The following DLC1 variants were observed in gnomAD, a reference collection of about 807,000 sequenced individuals.
DLC1 encodes the protein rho GTPase-activating protein 7.
A neutral mutation model predicts 140.3 loss-of-function variants in DLC1; 54 were observed. The observed-to-expected ratio is 0.38, with a 90% CI of 0.31 to 0.48. The LOEUF (loss-of-function observed/expected upper bound fraction) is 0.48, where lower values mean the gene tolerates loss of function less well. Among genes scored for constraint, DLC1 ranks in the 20% least tolerant of loss-of-function variants. The pLI is 0.96. For synonymous variants in DLC1, 986 were observed against 728.1 expected (o/e 1.35, Z -5.70); for missense variants, 2,536 against 1,907.0 (o/e 1.33, Z -6.14).
chr8:13,565,040 C>T (rs975834845), intron 1 of DLC1, among the ~76,000 whole-genome samples: 1 of 152,090 alleles, frequency 6.6e-6, no homozygotes, highest in Non-Finnish European at 1.5e-5. Flanking sequence ...TAAAATCAAA[C>T]TTTGACCTGT....
At chr8:13,546,992 C>T (rs1803671067) in intron 1 of DLC1, among the ~76,000 whole-genome samples, 1 of 151,970 alleles carries the variant, frequency 6.6e-6, no homozygotes, top group Non-Finnish European at 1.5e-5. Context: ...AGTTTAATTA[C>T]AATCATATGT....
intron 7 of DLC1, among the ~76,000 whole-genome samples, chr8:13,107,571 C>G (rs1819671002): frequency 6.6e-6 from 1 of 152,210 alleles, no homozygotes; most frequent in Non-Finnish European, 1.5e-5. Context: ...GAGAGAACTT[C>G]TAAATCACAG....
chr8:13,246,461 C>G (rs572971724), intron 5 of DLC1, among the ~76,000 whole-genome samples: 1 of 151,956 alleles, frequency 6.6e-6, no homozygotes. Flanking sequence ...CTTTTTTCTG[C>G]GTAGATTCAC....
At chr8:13,128,159 T>C (rs942557540) in intron 5 of DLC1, among the ~76,000 whole-genome samples, 3 of 152,222 alleles carry the variant, frequency 2.0e-5, no homozygotes, top group Non-Finnish European at 2.9e-5. Flanking sequence ...TAGTTCACTT[T>C]TTGGTGCTCA....
chr8:13,484,206 A>C (rs1179287234), intron 2 of DLC1, among the ~76,000 whole-genome samples: 2 of 152,224 alleles, frequency 1.3e-5, no homozygotes, highest in African/African-American at 4.8e-5. Context: ...ATTTGAGGAA[A>C]AGATGGTAGA....
intron 2 of DLC1, among the ~76,000 whole-genome samples, chr8:13,463,481 C>A (rs2117033846): frequency 6.6e-6 from 1 of 152,182 alleles, no homozygotes; most frequent in East Asian, 1.9e-4. Flanking sequence ...AGAATATTTC[C>A]TACGGTGTTT....
Position 13,259,357 on chromosome 8 carries a change from A to C in DLC1, c.1348+45912T>G, listed in dbSNP as rs73665915. On this transcript the variant is annotated intron_variant, in intron 5 of 17. Transcript: ENST00000276297. ...AACCACAGTGATTTGAATTTTAATC[A>C]CTTAAAATTTTACACGATCTTAATT... Among the ~76,000 whole-genome samples the C allele has an allele frequency of 9.6e-3, 1,463 of 151,860 alleles. 23 individuals are homozygous for C. The highest frequency in any genetic ancestry group is 0.034 in the African/African-American group (1,385 of 41,218).
chr8:13,552,139 A>ATATATATATATC (rs1260514268), intron 1 of DLC1, among the ~76,000 whole-genome samples: 7 of 132,640 alleles, frequency 5.3e-5, no homozygotes, highest in African/African-American at 1.6e-4. Context: ...ATATATATAT[A>ATATATATATATC]TATCTGTCTA....
chr8:13,098,026 GGAAAAAA>G (rs1818654726), intron 10 of DLC1, among the ~76,000 whole-genome samples: 1 of 70,874 alleles, frequency 1.4e-5, no homozygotes, highest in African/African-American at 5.9e-5. Flanking sequence ...TCTTCAAAAA[GGAAAAAA>G]GAAAAAAAAA....
At chr8:13,567,088 C>A in intron 1 of DLC1, 1 of 1,551,760 alleles carries the variant, frequency 6.4e-7, no homozygotes, top group Non-Finnish European at 8.7e-7. Context: ...TGATGAGGTA[C>A]AGACTTCCAG....
At chr8:13,511,718 T>C (rs1029630283) in intron 1 of DLC1, among the ~76,000 whole-genome samples, 7 of 152,168 alleles carry the variant, frequency 4.6e-5, no homozygotes, top group Admixed American at 2.6e-4. Context: ...CCAATTCTCA[T>C]GTGCAATTCT....
chr8:13,516,435 G>A (rs1340831682), upstream of DLC1, among the ~76,000 whole-genome samples: 1 of 152,056 alleles, frequency 6.6e-6, no homozygotes, highest in Non-Finnish European at 1.5e-5. Context: ...TGATAATATT[G>A]GGTAGGTGAT....
intron 5 of DLC1, among the ~76,000 whole-genome samples, chr8:13,185,465 G>T (rs1253813950): frequency 1.3e-5 from 2 of 151,732 alleles, no homozygotes; most frequent in African/African-American, 2.4e-5. Flanking sequence ...CCGCCACCAC[G>T]CCCGGCTAAT....
intron 4 of DLC1, among the ~76,000 whole-genome samples, chr8:13,359,030 C>T (rs1018563773): frequency 1.3e-5 from 2 of 152,176 alleles, no homozygotes; most frequent in African/African-American, 2.4e-5. Flanking sequence ...GCTCCGCGTC[C>T]CGGGTTCACG....
chr8:13,280,651 A>G (rs2697749), intron 5 of DLC1, among the ~76,000 whole-genome samples: 110,555 of 152,018 alleles, frequency 0.73, 40,602 homozygotes, highest in East Asian at 0.92. Flanking sequence ...TTAATGTTAG[A>G]GACCTCTTCT....
rs749581704 is a variant in DLC1, at chr8:13,401,606, T to C, written c.1037A>G (p.Asp346Gly). The C allele has an allele frequency of 2.5e-6, 4 of 1,613,426 alleles. No individual in the cohort carries two copies. In the South Asian group the frequency reaches 3.3e-5, roughly 13 times the overall value. Reference protein sequence around the residue: ...RLRKRKEIREDRDRARLDSMV... With the variant: ...RLRKRKEIREGRDRARLDSMV... ...GGAGTCCAGCCGCGCCCTATCTCGA[T>C]CTTCTCTTATTTCCTGAGGAACAGA... Residue 346 changes from aspartate to glycine, a missense_variant, in exon 3 of 18, where the codon GAT becomes GGT. Transcript: ENST00000276297.
rs1409175256 is a variant in DLC1, at chr8:13,085,673, T to C, written c.*138A>G. The C allele has an allele frequency of 7.6e-7, 1 of 1,319,848 alleles. No individual in the cohort carries two copies. The highest frequency in any genetic ancestry group is 1.0e-6 in the Non-Finnish European group (1 of 979,834). 81.8% of individuals were successfully genotyped at this position (1,319,848 alleles called of 1,614,324 possible). On this transcript the variant is annotated 3_prime_UTR_variant, in exon 18 of 18. Transcript: ENST00000276297. ...GAAGCAGCTTTAAAAATGTATCAAA[T>C]TGCTATAGTCAATTCCTACACTCCA...
chr8:13,087,359 C>T (rs1369743648), intron 16 of DLC1, among the ~76,000 whole-genome samples: 1 of 152,216 alleles, frequency 6.6e-6, no homozygotes, highest in Admixed American at 6.5e-5. Context: ...CATGAGTGTG[C>T]CACTGCACCC....
chr8:13,231,007 G>A (rs1829023025), intron 5 of DLC1, among the ~76,000 whole-genome samples: 1 of 152,106 alleles, frequency 6.6e-6, no homozygotes, highest in African/African-American at 2.4e-5. Context: ...GAAGGGAATG[G>A]CGGGTAACTG....
Sources: allele counts gnomAD v4.1 joint callset (sites outside exome capture counted in the v4.1 genomes callset), GRCh38; gene constraint gnomAD v4.1.1; transcripts MANE v1.5; gene names NCBI Gene and HGNC (gene_info 2026-07-23, HGNC 2026-07-21).